Variants in PLAC1 observed in about 807,000 individuals in gnomAD.
PLAC1 encodes placenta-specific protein 1.
For synonymous variants in PLAC1, 68 were observed against 62.1 expected (o/e 1.09, Z -0.44); for missense variants, 136 against 163.2 (o/e 0.83, Z 0.91).
chrX:134,723,098 A>C (rs954397290), intron 2 of PLAC1, among the ~76,000 whole-genome samples: 6 of 111,464 alleles, frequency 5.4e-5, no homozygotes, highest in Non-Finnish European at 1.9e-5. Flanking sequence ...TTAAATAAAA[A>C]TTTCCTTTTC....
At chrX:134,685,859 AC>A (rs1302465112) in intron 2 of PLAC1, among the ~76,000 whole-genome samples, 9 of 110,799 alleles carry the variant, frequency 8.1e-5, no homozygotes, top group African/African-American at 2.6e-4. Context: ...CAGACAGAAG[AC>A]AGAGACATTC....
At chrX:134,665,739 A>T (rs2078434688) in intron 2 of PLAC1, among the ~76,000 whole-genome samples, 1 of 111,328 alleles carries the variant, frequency 9.0e-6, no homozygotes, top group African/African-American at 3.3e-5. Flanking sequence ...TTAGCGGGAA[A>T]TACCTGTGAA....
intron 2 of PLAC1, among the ~76,000 whole-genome samples, chrX:134,570,962 T>C (rs988436771): frequency 8.0e-5 from 9 of 112,368 alleles, no homozygotes; most frequent in African/African-American, 2.9e-4. Flanking sequence ...CATAAACACA[T>C]ATGCTCTTTT....
chrX:134,680,069 T>A (rs1228541683), intron 2 of PLAC1, among the ~76,000 whole-genome samples: 2 of 111,653 alleles, frequency 1.8e-5, no homozygotes, highest in Admixed American at 1.9e-4. Flanking sequence ...ACAGCTCCAG[T>A]TTCAAACATG....
At chrX:134,716,229 A>G (rs970459311) in intron 2 of PLAC1, among the ~76,000 whole-genome samples, 2 of 112,410 alleles carry the variant, frequency 1.8e-5, no homozygotes, top group Middle Eastern at 9.2e-3. Flanking sequence ...AGGAAGAGTG[A>G]GCTCAGCCCC....
At chrX:134,568,884 G>T (rs1480468132) in intron 2 of PLAC1, among the ~76,000 whole-genome samples, 3 of 111,097 alleles carry the variant, frequency 2.7e-5, no homozygotes, top group African/African-American at 9.8e-5. Context: ...CTGCACTATT[G>T]TCTTGATCTA....
chrX:134,761,283 C>T (rs1199837748), intron 1 of PLAC1, among the ~76,000 whole-genome samples: 2 of 111,722 alleles, frequency 1.8e-5, no homozygotes, highest in Non-Finnish European at 3.8e-5. Context: ...GGGAAAGGAG[C>T]TATGACAGCT....
intron 2 of PLAC1, among the ~76,000 whole-genome samples, chrX:134,691,292 G>A (rs1247517341): frequency 1.8e-5 from 2 of 108,810 alleles, no homozygotes; most frequent in Non-Finnish European, 3.8e-5. Context: ...GTGGCAAGAA[G>A]TTTAAAACAT....
chrX:134,615,057 A>C (rs1397960600), intron 1 of PLAC1, among the ~76,000 whole-genome samples: 1 of 111,917 alleles, frequency 8.9e-6, no homozygotes, highest in African/African-American at 3.2e-5. Flanking sequence ...ATATCTCTAC[A>C]AGGTGTTGAT....
At chrX:134,616,651 AAAC>A (rs1310576215) in intron 1 of PLAC1, among the ~76,000 whole-genome samples, 1 of 110,935 alleles carries the variant, frequency 9.0e-6, no homozygotes, top group African/African-American at 3.3e-5. Flanking sequence ...AAAAAAAACA[AAAC>A]AACAAAAAAA....
At chrX:134,595,344 T>C (rs1245112664) in intron 2 of PLAC1, among the ~76,000 whole-genome samples, 1 of 110,603 alleles carries the variant, frequency 9.0e-6, no homozygotes, top group Non-Finnish European at 1.9e-5. Context: ...TGGAGTATTC[T>C]ATACATGTTG....
At chrX:134,711,295 A>C (rs754175889) in intron 2 of PLAC1, among the ~76,000 whole-genome samples, 1 of 112,735 alleles carries the variant, frequency 8.9e-6, no homozygotes, top group South Asian at 3.6e-4. Context: ...TTTTAAAACA[A>C]CACCACATAA....
intron 1 of PLAC1, among the ~76,000 whole-genome samples, chrX:134,622,267 T>C (rs182795117): frequency 8.9e-6 from 1 of 112,063 alleles, no homozygotes; most frequent in East Asian, 2.8e-4. Flanking sequence ...CTGCTTTTCC[T>C]CATGGGCCCA....
At chrX:134,635,320 A>G (rs2078278396) in intron 1 of PLAC1, among the ~76,000 whole-genome samples, 1 of 111,048 alleles carries the variant, frequency 9.0e-6, no homozygotes, top group Non-Finnish European at 1.9e-5. Context: ...CCCAAATGCT[A>G]TATTTCATTC....
At chrX:134,683,385 TAGAG>T (rs768899033) in intron 2 of PLAC1, among the ~76,000 whole-genome samples, 2 of 111,090 alleles carry the variant, frequency 1.8e-5, no homozygotes, top group Non-Finnish European at 3.8e-5. Flanking sequence ...ACAACAAAAA[TAGAG>T]AGGTGAATTC....
At chrX:134,597,473 A>T in intron 2 of PLAC1, among the ~76,000 whole-genome samples, 1 of 111,168 alleles carries the variant, frequency 9.0e-6, no homozygotes, top group African/African-American at 3.3e-5. Context: ...TCATCTTAGT[A>T]TTGGCATGAA....
intron 2 of PLAC1, among the ~76,000 whole-genome samples, chrX:134,581,401 C>A (rs1019907114): frequency 3.6e-5 from 4 of 110,009 alleles, no homozygotes; most frequent in Non-Finnish European, 7.6e-5. Flanking sequence ...TGATTAAAAC[C>A]ACTAGCTTGG....
chrX:134,674,620 A>G (rs1010248120), intron 2 of PLAC1, among the ~76,000 whole-genome samples: 2 of 112,584 alleles, frequency 1.8e-5, no homozygotes, highest in Non-Finnish European at 3.8e-5. Flanking sequence ...TGTAGAAAAC[A>G]AACATCAACA....
chrX:134,650,252 A>G (rs1440225024), intron 1 of PLAC1, among the ~76,000 whole-genome samples: 1 of 112,236 alleles, frequency 8.9e-6, no homozygotes. Flanking sequence ...AATTTGTTAA[A>G]TGCTTTTCTC....
Sources: allele counts gnomAD v4.1 joint callset (sites outside exome capture counted in the v4.1 genomes callset), GRCh38; gene constraint gnomAD v4.1.1; transcripts MANE v1.5; gene names NCBI Gene and HGNC (gene_info 2026-07-23, HGNC 2026-07-21).